TAF12: variants seen among roughly 807,000 people sequenced by gnomAD.
TAF12 encodes the protein TATA-box binding protein associated factor 12.
In TAF12, 3 loss-of-function variants were observed where a neutral mutation model predicts 20.8. That is an observed-to-expected ratio of 0.14 (90% CI 0.07 to 0.37). The LOEUF (loss-of-function observed/expected upper bound fraction) is 0.37. Ranked by LOEUF, TAF12 falls within the 10% of genes least tolerant of loss-of-function variation. The pLI is 1.00. For missense variants in TAF12, 131 were observed against 197.9 expected (o/e 0.66, Z 2.03); for synonymous variants, 69 against 70.2 (o/e 0.98, Z 0.09).
intron 4 of TAF12, among the ~76,000 whole-genome samples, chr1:28,608,917 G>A (rs892627093): frequency 4.0e-5 from 6 of 151,622 alleles, no homozygotes; most frequent in Non-Finnish European, 5.9e-5. Context: ...TTCCAGCCTG[G>A]GCAAAAAGAG....
intron 1 of TAF12, among the ~76,000 whole-genome samples, chr1:28,636,881 C>T (rs1054056842): frequency 1.2e-4 from 19 of 152,016 alleles, no homozygotes; most frequent in Admixed American, 9.8e-4. Context: ...TCTGAGGTGA[C>T]GGAATGGCTT....
At chr1:28,644,921 G>A (rs1219715329), upstream of TAF12, among the ~76,000 whole-genome samples, 1 of 152,192 alleles carries the variant, frequency 6.6e-6, no homozygotes, top group African/African-American at 2.4e-5. Context: ...AAATGATACA[G>A]GGTCTCACTC....
chr1:28,618,534 ATTTTTTTTT>A (rs968347496), intron 2 of TAF12, among the ~76,000 whole-genome samples: 2 of 125,704 alleles, frequency 1.6e-5, no homozygotes, highest in African/African-American at 6.2e-5. Context: ...TACCTGGCTA[ATTTTTTTTT>A]TTTTTTTTTT....
At chr1:28,618,900 A>C (rs1667122256) in intron 2 of TAF12, among the ~76,000 whole-genome samples, 1 of 152,086 alleles carries the variant, frequency 6.6e-6, no homozygotes, top group South Asian at 2.1e-4. Context: ...AATCAAAAGA[A>C]AGCCAGGCAC....
intron 4 of TAF12, among the ~76,000 whole-genome samples, chr1:28,610,986 C>G (rs12131911): frequency 0.23 from 31,776 of 138,384 alleles, 4,095 homozygotes; most frequent in Middle Eastern, 0.34. Context: ...AAAAAAAACA[C>G]AGGTGGAGTC....
chr1:28,608,690 G>A (rs1354486105), intron 4 of TAF12, among the ~76,000 whole-genome samples: 3 of 151,788 alleles, frequency 2.0e-5, no homozygotes, highest in Non-Finnish European at 4.4e-5. Flanking sequence ...GGGAGGCAGA[G>A]GTTGCAGTGA....
intron 1 of TAF12, among the ~76,000 whole-genome samples, chr1:28,623,588 A>C (rs141616499): frequency 3.3e-3 from 497 of 152,344 alleles, no homozygotes; most frequent in African/African-American, 0.011. Context: ...TTAAAGTATC[A>C]AATAATGTTA....
At chr1:28,647,203 A>G (rs1003378485), upstream of TAF12, among the ~76,000 whole-genome samples, 1 of 152,154 alleles carries the variant, frequency 6.6e-6, no homozygotes, top group African/African-American at 2.4e-5. Flanking sequence ...GATAAACACT[A>G]AACTGTTCAC....
intron 4 of TAF12, among the ~76,000 whole-genome samples, chr1:28,612,755 G>C (rs944759607): frequency 6.6e-6 from 1 of 151,726 alleles, no homozygotes; most frequent in Admixed American, 6.6e-5. Flanking sequence ...CTATAAAATT[G>C]TATGTATATT....
intron 4 of TAF12, among the ~76,000 whole-genome samples, chr1:28,608,719 C>T (rs567657403): frequency 6.6e-6 from 1 of 152,036 alleles, no homozygotes; most frequent in East Asian, 1.9e-4. Flanking sequence ...TGTGCCACTG[C>T]ACTCCAGTCT....
chr1:28,610,659 C>T (rs1400671321), intron 4 of TAF12, among the ~76,000 whole-genome samples: 2 of 151,902 alleles, frequency 1.3e-5, no homozygotes, highest in Non-Finnish European at 2.9e-5. Context: ...CTTTACCCTC[C>T]TGCTATCAAG....
At position 28,610,972 on chromosome 1, in the gene TAF12, AAAAAAAAAAAAC is replaced by A. The variant is rs1347762102; in HGVS notation, c.361+2263_361+2274del. Among the ~76,000 whole-genome samples the A allele has an allele frequency of 5.7e-4, 53 of 92,958 alleles. 4 individuals are homozygous for A. The highest frequency in any genetic ancestry group is 7.9e-4 in the Non-Finnish European group (28 of 35,582). The allele number at this position is 92,958 out of a possible 152,430, so 61.0% of individuals were successfully genotyped here. A position where few individuals can be genotyped will look rare whatever the true frequency, so the allele number is the denominator to read the frequency against. On this transcript the variant is annotated intron_variant, in intron 4 of 5. Transcript: ENST00000373824. ...GAGACTGTCTCAAAAAAAAAAAAAA[AAAAAAAAAAAAC>A]ACAGGTGGAGTCTGTGTTCCCTCCC...
chr1:28,628,228 T>TCGGGGG (rs1380249320), intron 1 of TAF12, among the ~76,000 whole-genome samples: 1 of 3,872 alleles, frequency 2.6e-4, no homozygotes, highest in Non-Finnish European at 4.5e-4. Flanking sequence ...GTGCAGGGGG[T>TCGGGGG]GGGGGGGGGG....
intron 2 of TAF12, among the ~76,000 whole-genome samples, chr1:28,619,483 GT>G: frequency 6.9e-6 from 1 of 145,318 alleles, no homozygotes; most frequent in Non-Finnish European, 1.5e-5. Flanking sequence ...GGGCAACAGA[GT>G]GAGACTCCAT....
intron 1 of TAF12, among the ~76,000 whole-genome samples, chr1:28,625,982 G>A (rs1187699047): frequency 6.7e-5 from 10 of 150,040 alleles, no homozygotes; most frequent in South Asian, 2.1e-4. Context: ...ACTCAGCCCC[G>A]TCTCTTTTTT....
chr1:28,637,760 C>A (rs1667887339), intron 1 of TAF12, among the ~76,000 whole-genome samples: 1 of 152,140 alleles, frequency 6.6e-6, no homozygotes, highest in African/African-American at 2.4e-5. Flanking sequence ...AGTCTGTCTG[C>A]CTCCAACACA....
At chr1:28,623,914 G>C in intron 1 of TAF12, 2 of 970,212 alleles carry the variant, frequency 2.1e-6, no homozygotes, top group Non-Finnish European at 2.5e-6. Context: ...CATTCACCAA[G>C]TTCTGCTCAC....
At chr1:28,627,159 T>G (rs888362207) in intron 1 of TAF12, among the ~76,000 whole-genome samples, 36 of 150,476 alleles carry the variant, frequency 2.4e-4, no homozygotes, top group African/African-American at 8.5e-4. Flanking sequence ...GGCCAATGTG[T>G]GTGGATCACT....
rs373233593 is a variant in TAF12 at position 28,607,682 on chromosome 1, CT to C, written c.362-2223del. Among the ~76,000 whole-genome samples, 1,186 of 148,040 alleles carry C rather than the reference CT, an allele frequency of 8.0e-3. 13 individuals are homozygous for C. The highest frequency in any genetic ancestry group is 0.027 in the African/African-American group (1,110 of 40,450). The stretch of plus-strand genomic sequence containing the variant: ...GCGAGACTCCATCTCAAAAAGAAAA[CT>C]TTTTTTTTTAGCTGTATGTGGTGGT... On this transcript the variant is annotated intron_variant, in intron 4 of 5. Coordinates refer to ENST00000373824, the MANE Select transcript of TAF12 (RefSeq NM_005644.4).
Sources: gnomAD v4.1 joint callset for allele counts (sites outside exome capture counted in the v4.1 genomes callset) on GRCh38, gnomAD v4.1.1 for gene constraint, MANE v1.5 for transcripts, NCBI Gene and HGNC (gene_info 2026-07-23, HGNC 2026-07-21) for gene names.